Variants in ZNF160 observed in about 807,000 individuals in gnomAD.
The protein encoded by ZNF160 is KRAB zinc finger protein KR18.
Under a neutral mutation model 13.1 loss-of-function variants are expected in ZNF160, and 9 were observed. The ratio of observed to expected loss-of-function variants is 0.69; its 90% CI spans 0.41 to 1.20. ZNF160 has a LOEUF of 1.20. ZNF160 is among the 50% of genes most tolerant of loss of function. The pLI, the probability that ZNF160 is intolerant of heterozygous loss-of-function variation, is 0.01. For missense variants in ZNF160, 838 were observed against 988.0 expected, an observed-to-expected ratio of 0.85 and a Z score of 2.04; for synonymous variants, 293 against 333.2, an observed-to-expected ratio of 0.88 and a Z score of 1.31.
rs1327866287 is a variant in ZNF160 at position 53,074,304 on chromosome 19, GC to G, written c.143-37del. The stretch of plus-strand genomic sequence containing the variant: ...AAAGAAAGGATCACAATGTGCCGGG[GC>G]TTTTCCAGAATCCCAGCCCTATGTT... On this transcript the variant is annotated intron_variant, in intron 4 of 5. Transcript: ENST00000683776. The G allele has an allele frequency of 1.3e-5, 21 of 1,609,580 alleles. No homozygotes were observed. In the African/African-American group the frequency reaches 2.1e-4, roughly 16 times the overall value.
At position 53,067,393 on chromosome 19, in the gene ZNF160, C is replaced by T. The variant is rs1177219162; in HGVS notation, c.*684G>A. On this transcript the variant is annotated 3_prime_UTR_variant, in exon 6 of 6. Transcript: ENST00000683776. The stretch of plus-strand genomic sequence containing the variant: ...AGTTTTACATTGTTTTTCGCCACTC[C>T]CAAATGCTAATTCAGATGATACTTA... 1.3e-5 allele frequency: 2 copies of T among 152,108 alleles called. No homozygotes were observed. The highest frequency in any genetic ancestry group is 4.8e-5 in the African/African-American group (2 of 41,416). The allele number at this position is 152,108 out of a possible 1,614,324, so 9.4% of individuals were successfully genotyped here. A position where few individuals can be genotyped will look rare whatever the true frequency, so the allele number is the denominator to read the frequency against.
chr19:53,074,090 C>T, intron 5 of ZNF160, 50 bp downstream of exon 5: 1 of 1,585,732 alleles, frequency 6.3e-7, no homozygotes, highest in African/African-American at 1.3e-5. Flanking sequence ...GTGCCCCCTC[C>T]CACACTCTAG....
At chr19:53,079,059 G>C (rs1318640665) in intron 3 of ZNF160, among the ~76,000 whole-genome samples, 1 of 152,066 alleles carries the variant, frequency 6.6e-6, no homozygotes, top group Non-Finnish European at 1.5e-5. Flanking sequence ...CAAAATACTA[G>C]GAAACCAAAT....
chr19:53,095,178 C>T (rs1367653541), intron 1 of ZNF160, among the ~76,000 whole-genome samples: 1 of 136,586 alleles, frequency 7.3e-6, no homozygotes, highest in East Asian at 2.2e-4. Context: ...CCCCTCCCCA[C>T]TGCCCAGGCC....
chr19:53,102,289 C>A (rs1043421714), intron 1 of ZNF160, among the ~76,000 whole-genome samples: 8 of 152,168 alleles, frequency 5.3e-5, no homozygotes, highest in African/African-American at 1.9e-4. Context: ...TTCCCTGTTA[C>A]ACCCGCTTAT....
intron 2 of ZNF160, 35 bp from the exon 3 acceptor site, chr19:53,086,356 A>C (rs2145816389): frequency 6.6e-7 from 1 of 1,518,532 alleles, no homozygotes; most frequent in Middle Eastern, 1.8e-4. Flanking sequence ...AGAAGTCAAT[A>C]CTGAATATCC....
chr19:53,091,215 G>A (rs1017833612), intron 2 of ZNF160, 198 bp downstream of exon 2: 2 of 152,128 alleles, frequency 1.3e-5, no homozygotes, highest in African/African-American at 2.4e-5. Flanking sequence ...TTATTTAAAC[G>A]TGGTGGTGGT....
intron 3 of ZNF160, among the ~76,000 whole-genome samples, chr19:53,083,175 T>C (rs2084698162): frequency 6.6e-6 from 1 of 152,268 alleles, no homozygotes; most frequent in African/African-American, 2.4e-5. Context: ...CTTCATGAAG[T>C]AGGCATGATT....
chr19:53,083,876 T>C (rs1295499223), intron 3 of ZNF160, among the ~76,000 whole-genome samples: 1 of 152,218 alleles, frequency 6.6e-6, no homozygotes, highest in Non-Finnish European at 1.5e-5. Context: ...TGTAACCAAG[T>C]ACGCTCATTT....
In ZNF160 at chr19:53,068,586, TGTAAG is replaced by T; in HGVS notation, c.1943_1947del (p.Pro648GlnfsTer3). 3 of 1,614,134 alleles carry T rather than the reference TGTAAG, an allele frequency of 1.9e-6. No individual in the cohort carries two copies. The highest frequency in any genetic ancestry group is 1.1e-5 in the South Asian group (1 of 91,080). On this transcript the variant is annotated frameshift_variant, in exon 6 of 6. Coordinates refer to ENST00000683776, the MANE Select transcript of ZNF160 (RefSeq NM_001322131.2). LOFTEE classifies it low-confidence loss of function (END_TRUNC). ...AAGGCTTTCCCACACTCATTACACT[TGTAAG>T]GTTTCTCTCCAGTATGAATTCGCCG...
At chr19:53,100,158 C>A (rs2146073865) in intron 1 of ZNF160, among the ~76,000 whole-genome samples, 1 of 152,286 alleles carries the variant, frequency 6.6e-6, no homozygotes, top group East Asian at 1.9e-4. Flanking sequence ...TTTTCATGAA[C>A]ACATAAGCTC....
At chr19:53,100,835 T>C (rs2085420947) in intron 1 of ZNF160, among the ~76,000 whole-genome samples, 1 of 150,684 alleles carries the variant, frequency 6.6e-6, no homozygotes, top group Non-Finnish European at 1.5e-5. Flanking sequence ...ATACGAAAAT[T>C]AGCCAGGTGT....
At position 53,085,931 on chromosome 19, in the gene ZNF160, T is replaced by C. The variant is rs1043727216; in HGVS notation, c.15+331A>G. The C allele has an allele frequency of 1.3e-5, 13 of 1,033,168 alleles. No homozygotes were observed. In the Admixed American group the frequency reaches 2.7e-4, roughly 21 times the overall value. The allele number at this position is 1,033,168 out of a possible 1,614,324, so 64.0% of individuals were successfully genotyped here. A position where few individuals can be genotyped will look rare whatever the true frequency, so the allele number is the denominator to read the frequency against. On this transcript the variant is annotated intron_variant, in intron 3 of 5. Transcript: ENST00000683776. ...ATGGGCAGCTTCTGTTATCATGGTT[T>C]ACACAGCGCTGACAGTGCATCCAGA...
At chr19:53,086,116 G>A (rs938213053) in intron 3 of ZNF160, 146 bp downstream of exon 3, 4 of 1,329,890 alleles carry the variant, frequency 3.0e-6, no homozygotes, top group East Asian at 2.4e-5. Context: ...GAATCTAAAC[G>A]AGATGAGAGG....
At chr19:53,092,137 C>T (rs556872653) in intron 1 of ZNF160, among the ~76,000 whole-genome samples, 13 of 152,018 alleles carry the variant, frequency 8.6e-5, no homozygotes, top group African/African-American at 3.1e-4. Flanking sequence ...CTTGAAGAAA[C>T]GGAAGAGAAA....
At chr19:53,075,237 A>C in intron 3 of ZNF160, 54 bp from the exon 4 acceptor site, 1 of 1,597,652 alleles carries the variant, frequency 6.3e-7, no homozygotes, top group South Asian at 1.1e-5. Flanking sequence ...TCAAAATTTC[A>C]CATAAAAGGA....
intron 3 of ZNF160, among the ~76,000 whole-genome samples, chr19:53,080,240 C>T (rs2084577100): frequency 6.6e-6 from 1 of 151,984 alleles, no homozygotes; most frequent in Non-Finnish European, 1.5e-5. Flanking sequence ...GCTGGGATTA[C>T]AGGCATGCAC....
chr19:53,083,623 G>T (rs1351214628), intron 3 of ZNF160, among the ~76,000 whole-genome samples: 1 of 152,188 alleles, frequency 6.6e-6, no homozygotes, highest in Non-Finnish European at 1.5e-5. Flanking sequence ...AACCAAGCCG[G>T]GCACAATGGC....
rs757496532 is a variant in ZNF160, at chr19:53,078,608, A to AAAAAG, written c.16-3430_16-3426dup. Among the ~76,000 whole-genome samples, 8 of 152,230 alleles carry AAAAAG rather than the reference A, an allele frequency of 5.3e-5. No individual in the cohort carries two copies. The East Asian group carries it at 7.7e-4, about 15-fold the overall frequency. ...GGTGACAGAGTGAGACTGCATGTCA[A>AAAAAG]AAAAGAAAAGAAAAGAAAAGAAAAA... On this transcript the variant is annotated intron_variant, in intron 3 of 5. Coordinates refer to ENST00000683776, the MANE Select transcript of ZNF160 (RefSeq NM_001322131.2).
Sources: gnomAD v4.1 joint callset for allele counts (sites outside exome capture counted in the v4.1 genomes callset) on GRCh38, gnomAD v4.1.1 for gene constraint, MANE v1.5 for transcripts, NCBI Gene and HGNC (gene_info 2026-07-23, HGNC 2026-07-21) for gene names.